KHDRBS2: variants seen among roughly 807,000 people sequenced by gnomAD.
The protein encoded by KHDRBS2 is KH RNA binding domain containing, signal transduction associated 2.
In KHDRBS2, 26 loss-of-function variants were observed where a neutral mutation model predicts 44.3. The observed-to-expected ratio is 0.59, with a 90% confidence interval of 0.43 to 0.81. KHDRBS2 has a LOEUF of 0.81. Ranked by LOEUF, KHDRBS2 falls within the 40% of genes least tolerant of loss-of-function variation. KHDRBS2 has a pLI of 0.00. For synonymous variants in KHDRBS2, 194 were observed against 151.1 expected (o/e 1.28, Z -2.08); for missense variants, 476 against 433.1 (o/e 1.10, Z -0.88).
chr6:61,718,794 CTATCT>C (rs1771859420), intron 7 of KHDRBS2, among the ~76,000 whole-genome samples: 11 of 152,104 alleles, frequency 7.2e-5, no homozygotes, highest in Admixed American at 7.2e-4. Context: ...CTTATGGATA[CTATCT>C]TCAGGGGACT....
At chr6:61,743,088 G>A (rs1270955737) in intron 6 of KHDRBS2, among the ~76,000 whole-genome samples, 4 of 151,990 alleles carry the variant, frequency 2.6e-5, no homozygotes, top group Admixed American at 2.6e-4. Context: ...AATCAGCCCA[G>A]TAAAATCAAA....
At chr6:62,200,979 G>T (rs372100506) in intron 1 of KHDRBS2, among the ~76,000 whole-genome samples, 2 of 152,170 alleles carry the variant, frequency 1.3e-5, no homozygotes, top group Non-Finnish European at 2.9e-5. Context: ...GCAAACTATC[G>T]CAAGGACAAA....
intron 6 of KHDRBS2, among the ~76,000 whole-genome samples, chr6:61,813,095 A>G (rs1788381459): frequency 6.6e-6 from 1 of 152,162 alleles, no homozygotes; most frequent in Admixed American, 6.6e-5. Context: ...ATTAAAATGT[A>G]ATGGAAAAGA....
At position 62,208,910 on chromosome 6, in the gene KHDRBS2, A is replaced by C. The variant is rs776216836; in HGVS notation, c.92-31598T>G. Reference sequence around the variant, plus strand: ...GAAATATCTATTCAGGTCTTTGTCCATAGGGGAAAAGCCCCTTGACATGGA... The same window carrying C: ...GAAATATCTATTCAGGTCTTTGTCCCTAGGGGAAAAGCCCCTTGACATGGA... On this transcript the variant is annotated intron_variant, in intron 1 of 8. Coordinates refer to ENST00000281156, the MANE Select transcript of KHDRBS2 (RefSeq NM_152688.4). Among the ~76,000 whole-genome samples the C allele has an allele frequency of 3.3e-5, 5 of 152,224 alleles. No individual in the cohort carries two copies. In the South Asian group the frequency reaches 1.0e-3, roughly 31 times the overall value.
At chr6:61,675,400 T>C (rs1052195047), downstream of KHDRBS2, among the ~76,000 whole-genome samples, 15 of 151,754 alleles carry the variant, frequency 9.9e-5, no homozygotes, top group Admixed American at 7.9e-4. Context: ...GTTCTATTAA[T>C]ACGGTATACT....
At chr6:61,806,744 C>A (rs1247807130) in intron 6 of KHDRBS2, among the ~76,000 whole-genome samples, 1 of 150,272 alleles carries the variant, frequency 6.7e-6, no homozygotes, top group Non-Finnish European at 1.5e-5. Context: ...TCTATTATTT[C>A]AAAAAAAAGG....
chr6:61,910,837 G>A (rs1805922916), intron 4 of KHDRBS2, among the ~76,000 whole-genome samples: 1 of 152,134 alleles, frequency 6.6e-6, no homozygotes, highest in Admixed American at 6.5e-5. Context: ...AAAGTAACAA[G>A]TTCCATTTGT....
chr6:61,713,816 G>A (rs1770927950), intron 7 of KHDRBS2, among the ~76,000 whole-genome samples: 2 of 151,496 alleles, frequency 1.3e-5, no homozygotes, highest in East Asian at 1.9e-4. Flanking sequence ...TTCAATAAAG[G>A]ATGTTAGAAA....
the KHDRBS2 span, among the ~76,000 whole-genome samples, chr6:61,593,136 T>C: frequency 1.3e-5 from 2 of 152,198 alleles, no homozygotes; most frequent in African/African-American, 4.8e-5. Flanking sequence ...CAGATGTTCT[T>C]AGGTTGTAAT....
intron 8 of KHDRBS2, among the ~76,000 whole-genome samples, chr6:61,685,837 G>A (rs1766757399): frequency 6.6e-6 from 1 of 151,710 alleles, no homozygotes; most frequent in South Asian, 2.1e-4. Context: ...CAGTGGGAAA[G>A]AAAAATCTGG....
At chr6:62,187,476 A>G (rs114058608) in intron 1 of KHDRBS2, among the ~76,000 whole-genome samples, 33 of 152,286 alleles carry the variant, frequency 2.2e-4, no homozygotes, top group African/African-American at 7.5e-4. Flanking sequence ...AAAGTAAATG[A>G]ATAGGTAAAT....
the KHDRBS2 span, among the ~76,000 whole-genome samples, chr6:61,594,715 TTAACA>T: frequency 6.6e-6 from 1 of 152,130 alleles, no homozygotes; most frequent in Non-Finnish European, 1.5e-5. Flanking sequence ...CCCATATAAC[TTAACA>T]TATCAAATAA....
chr6:61,944,928 T>C (rs1173446164), intron 4 of KHDRBS2, among the ~76,000 whole-genome samples: 2 of 150,644 alleles, frequency 1.3e-5, no homozygotes, highest in African/African-American at 2.4e-5. Flanking sequence ...CCATCTCTAC[T>C]AAAAATACAA....
At chr6:61,739,173 A>G (rs9344827) in intron 6 of KHDRBS2, among the ~76,000 whole-genome samples, 53,752 of 151,742 alleles carry the variant, frequency 0.35, 10,379 homozygotes, top group East Asian at 0.48. Context: ...AAAATCCACT[A>G]TAACTTTTTA....
At chr6:62,196,827 C>T (rs1825808998) in intron 1 of KHDRBS2, among the ~76,000 whole-genome samples, 1 of 151,978 alleles carries the variant, frequency 6.6e-6, no homozygotes, top group South Asian at 2.1e-4. Context: ...GAGGGGGATG[C>T]TGGCTCGACA....
chr6:61,993,447 A>T (rs549705475), intron 3 of KHDRBS2, among the ~76,000 whole-genome samples: 2 of 151,968 alleles, frequency 1.3e-5, no homozygotes, highest in African/African-American at 4.8e-5. Context: ...ACTGATAATT[A>T]TAGAAGAGAT....
At chr6:62,282,388 A>G (rs980463221) in intron 1 of KHDRBS2, among the ~76,000 whole-genome samples, 1 of 152,180 alleles carries the variant, frequency 6.6e-6, no homozygotes, top group African/African-American at 2.4e-5. Flanking sequence ...ACATCGTCAT[A>G]TAATGAGTCA....
At position 61,955,409 on chromosome 6, in the gene KHDRBS2, C is replaced by CACATAAGTATGTGTATGTATACATAT; in HGVS notation, c.483+22656_483+22657insATATGTATACATACACATACTTATGT. On this transcript the variant is annotated intron_variant, in intron 4 of 8. Coordinates refer to ENST00000281156, the MANE Select transcript of KHDRBS2 (RefSeq NM_152688.4). The stretch of plus-strand genomic sequence containing the variant: ...ATACGTATGTGTATGTATACATATA[C>CACATAAGTATGTGTATGTATACATAT]GTGTATATATACACATACGTATGTG... Among the ~76,000 whole-genome samples the CACATAAGTATGTGTATGTATACATAT allele has an allele frequency of 3.8e-4, 2 of 5,208 alleles. 1 individual carries two copies. Among genetic ancestry groups the CACATAAGTATGTGTATGTATACATAT allele is most frequent in the East Asian group, 0.018 (2 of 112 alleles). The allele number at this position is 5,208 out of a possible 152,430, so 3.4% of individuals were successfully genotyped here. A position where few individuals can be genotyped will look rare whatever the true frequency, so the allele number is the denominator to read the frequency against.
chr6:62,202,037 A>T (rs1827096178), intron 1 of KHDRBS2, among the ~76,000 whole-genome samples: 1 of 152,084 alleles, frequency 6.6e-6, no homozygotes, highest in South Asian at 2.1e-4. Context: ...TTCATTTTTT[A>T]AAAAGTAGTT....
Sources: gnomAD v4.1 joint callset for allele counts (sites outside exome capture counted in the v4.1 genomes callset) on GRCh38, gnomAD v4.1.1 for gene constraint, MANE v1.5 for transcripts, NCBI Gene and HGNC (gene_info 2026-07-23, HGNC 2026-07-21) for gene names.